SORCS2: variants seen among roughly 807,000 people sequenced by gnomAD.
SORCS2 encodes VPS10 domain-containing receptor SorCS2.
In SORCS2, 100 loss-of-function variants were observed where a neutral mutation model predicts 141.6. That is an observed-to-expected ratio of 0.71 (90% CI 0.60 to 0.83). The LOEUF is 0.83. Among genes scored for constraint, SORCS2 ranks in the 40% least tolerant of loss-of-function variants. The probability of loss-of-function intolerance (pLI) is 0.00; values close to 1 mark genes in which losing one functional copy is unlikely to be tolerated. For synonymous variants in SORCS2, 789 were observed against 676.9 expected, an observed-to-expected ratio of 1.17 and a Z score of -2.57; for missense variants, 1,646 against 1,560.2, an observed-to-expected ratio of 1.05 and a Z score of -0.93.
chr4:7,352,287 T>A (rs1720989480), intron 1 of SORCS2, among the ~76,000 whole-genome samples: 1 of 152,220 alleles, frequency 6.6e-6, no homozygotes, highest in Admixed American at 6.5e-5. Context: ...TGGCGTATTG[T>A]AGGTTTCCAA....
intron 2 of SORCS2, among the ~76,000 whole-genome samples, chr4:7,403,995 A>ATTT (rs1352478314): frequency 1.0e-4 from 1 of 9,556 alleles, no homozygotes; most frequent in Non-Finnish European, 5.8e-4. Context: ...ATATATATAT[A>ATTT]TATTTTTTTT....
At chr4:7,520,766 G>A (rs1351013620) in intron 2 of SORCS2, among the ~76,000 whole-genome samples, 1 of 152,234 alleles carries the variant, frequency 6.6e-6, no homozygotes, top group Non-Finnish European at 1.5e-5. Context: ...GGCTGAGTCT[G>A]GGGGTGAGGT....
In SORCS2 at chr4:7,726,833, C is replaced by T. The variant is rs374239743; in HGVS notation, c.2799C>T (p.Asp933=). The change falls in exon 21 of 27, where the codon GAC becomes GAT. Residue 933 remains aspartate, a synonymous_variant. Coordinates refer to ENST00000507866, the MANE Select transcript of SORCS2 (RefSeq NM_020777.3). ...CAACGCGGTTTTCGGACACGGGCGA[C>T]GTGCGTGTGACGGTGCAGGCCGCCT... ...SVTTRFSDTG[D]VRVTVQAACG... 48 of 1,613,716 alleles carry T rather than the reference C, an allele frequency of 3.0e-5. No homozygotes were observed. Among genetic ancestry groups the T allele is most frequent in the East Asian group, 6.7e-5 (3 of 44,872 alleles).
At chr4:7,416,211 G>A (rs904801284) in intron 2 of SORCS2, among the ~76,000 whole-genome samples, 1 of 152,136 alleles carries the variant, frequency 6.6e-6, no homozygotes, top group Non-Finnish European at 1.5e-5. Flanking sequence ...TTGTGGACTC[G>A]AGCAAACATT....
chr4:7,245,348 A>G (rs1451118382), intron 1 of SORCS2, among the ~76,000 whole-genome samples: 1 of 152,240 alleles, frequency 6.6e-6, no homozygotes, highest in Non-Finnish European at 1.5e-5. Flanking sequence ...CCTGCTGCAC[A>G]CCGGAGGTGG....
intron 2 of SORCS2, among the ~76,000 whole-genome samples, chr4:7,511,524 G>A (rs561428072): frequency 2.1e-4 from 32 of 151,998 alleles, no homozygotes; most frequent in African/African-American, 7.2e-4. Flanking sequence ...AAGAGACAGA[G>A]CAACAGAGAG....
intron 1 of SORCS2, among the ~76,000 whole-genome samples, chr4:7,251,842 G>T (rs1005656580): frequency 5.9e-5 from 9 of 152,188 alleles, no homozygotes; most frequent in African/African-American, 2.2e-4. Flanking sequence ...TGGAGTCCAG[G>T]AAGCAGGTGT....
chr4:7,353,077 A>T (rs1427747537), intron 1 of SORCS2, among the ~76,000 whole-genome samples: 2 of 152,098 alleles, frequency 1.3e-5, no homozygotes. Context: ...TGACACAGGG[A>T]CTGTGCCTGG....
At position 7,648,132 on chromosome 4, in the gene SORCS2, G is replaced by T. The variant is rs966571204; in HGVS notation, c.814-6002G>T. On this transcript the variant is annotated intron_variant, in intron 4 of 26. Transcript: ENST00000507866. The surrounding 1 kb of genome is among the most constrained non-coding windows in gnomAD (Gnocchi z 4.2). ...TGGGGTGGCGGGCACCTCTGGGATT[G>T]TGGTTGCAGGACCTGGTGGATGGTG... is the stretch of plus-strand genomic sequence containing the variant. Among the ~76,000 whole-genome samples the T allele has an allele frequency of 2.0e-5, 3 of 152,154 alleles. No individual in the cohort carries two copies. The highest frequency in any genetic ancestry group is 7.2e-5 in the African/African-American group (3 of 41,438).
intron 2 of SORCS2, among the ~76,000 whole-genome samples, chr4:7,460,543 T>G (rs1452427205): frequency 1.3e-5 from 2 of 152,236 alleles, no homozygotes. Context: ...CAAGGCCCTC[T>G]GGCCGCTTAG....
intron 3 of SORCS2, among the ~76,000 whole-genome samples, chr4:7,539,680 A>ACCCCCGTTATGGAGGCACCGC (rs1712415147): frequency 1.5e-5 from 2 of 134,228 alleles, no homozygotes; most frequent in Non-Finnish European, 3.2e-5. Context: ...CAAGGCCCCG[A>ACCCCCGTTATGGAGGCACCGC]CCCCCGTTAT....
intron 14 of SORCS2, among the ~76,000 whole-genome samples, chr4:7,705,131 G>C (rs891528148): frequency 5.3e-5 from 8 of 152,226 alleles, no homozygotes; most frequent in African/African-American, 1.7e-4. Flanking sequence ...TCCAATGACT[G>C]TGTCCTTACA....
chr4:7,539,769 C>G (rs1712438147), intron 3 of SORCS2, among the ~76,000 whole-genome samples: 1 of 145,468 alleles, frequency 6.9e-6, no homozygotes, highest in South Asian at 2.2e-4. Context: ...GCTGTGAGGG[C>G]CCCACCCCTT....
At chr4:7,514,755 G>A (rs1189932927) in intron 2 of SORCS2, among the ~76,000 whole-genome samples, 5 of 152,226 alleles carry the variant, frequency 3.3e-5, no homozygotes, top group South Asian at 2.1e-4. Flanking sequence ...CCTTGGTGTC[G>A]GGGTTTTTAC....
At chr4:7,452,637 G>A (rs1003093637) in intron 2 of SORCS2, among the ~76,000 whole-genome samples, 7 of 152,220 alleles carry the variant, frequency 4.6e-5, no homozygotes, top group South Asian at 4.1e-4. Context: ...GGCAATGTCC[G>A]GGCCTCTCTC....
At chr4:7,345,701 G>T (rs138391987) in intron 1 of SORCS2, among the ~76,000 whole-genome samples, 71 of 152,252 alleles carry the variant, frequency 4.7e-4, no homozygotes, top group African/African-American at 1.6e-3. Context: ...TCCAGTGATG[G>T]CTTAATGCTC....
At chr4:7,381,294 T>TTCCA (rs1722980992) in intron 1 of SORCS2, among the ~76,000 whole-genome samples, 1 of 152,164 alleles carries the variant, frequency 6.6e-6, no homozygotes, top group Non-Finnish European at 1.5e-5. Context: ...TGAGAGAGCA[T>TTCCA]TCCAGCACAG....
At chr4:7,724,451 T>A (rs1178341668) in intron 19 of SORCS2, among the ~76,000 whole-genome samples, 5 of 132,346 alleles carry the variant, frequency 3.8e-5, no homozygotes, top group African/African-American at 1.6e-4. Flanking sequence ...ACAATGGTGG[T>A]GGTGATGGTG....
Position 7,434,127 on chromosome 4 carries a change from C to A in SORCS2, c.548+37772C>A, listed in dbSNP as rs761579710. ...GTGCCCCTAGCTCCTCACAGAATCC[C>A]CCCTTCCTGCAGAGCTCCTGCGGGG... On this transcript the variant is annotated intron_variant, in intron 2 of 26. Transcript: ENST00000507866. 3 of 1,613,148 alleles carry A rather than the reference C, an allele frequency of 1.9e-6. No homozygotes were observed. In the African/African-American group the frequency reaches 4.0e-5, roughly 22 times the overall value.
Sources: allele counts gnomAD v4.1 joint callset (sites outside exome capture counted in the v4.1 genomes callset), GRCh38; gene constraint gnomAD v4.1.1; non-coding constraint Gnocchi (gnomAD v3.1); transcripts MANE v1.5; gene names NCBI Gene and HGNC (gene_info 2026-07-23, HGNC 2026-07-21).